The following SOX6 variants were observed in gnomAD, a reference collection of about 807,000 sequenced individuals.
SOX6 encodes SRY-box transcription factor 6, also known as transcription factor SOX-6.
In SOX6, 11 loss-of-function variants were observed where a neutral mutation model predicts 97.8. The observed-to-expected ratio is 0.11, with a 90% confidence interval of 0.07 to 0.19. The LOEUF (loss-of-function observed/expected upper bound fraction) is 0.19. SOX6 is among the 10% of genes least tolerant of loss of function. SOX6 has a pLI of 1.00. For missense variants in SOX6, 810 were observed against 1,039.5 expected (o/e 0.78, Z 3.04); for synonymous variants, 360 against 371.4 (o/e 0.97, Z 0.35).
rs76129029 is a variant in SOX6, at chr11:16,318,189, T to C, written c.445+257A>G. 7.9e-3 allele frequency: 3,958 copies of C among 500,410 alleles called. 141 individuals are homozygous for C. In the East Asian group the frequency reaches 0.083, roughly 11 times the overall value. 31.0% of individuals were successfully genotyped at this position (500,410 alleles called of 1,614,324 possible). A position where few individuals can be genotyped will look rare whatever the true frequency, so the allele number is the denominator to read the frequency against. On this transcript the variant is annotated intron_variant, in intron 3 of 15. Transcript: ENST00000683767. ...GTTACCTTTTTCCAGAGTAGGATTA[T>C]GGTCAGTTTAAAATCCTAATTTGTT...
chr11:16,621,430 A>G (rs1025978926), intron 3 of SOX6, among the ~76,000 whole-genome samples: 1 of 152,218 alleles, frequency 6.6e-6, no homozygotes, highest in East Asian at 1.9e-4. Flanking sequence ...ATTGCATGGA[A>G]TACATTGACT....
chr11:16,045,805 A>C (rs1255747831), intron 12 of SOX6, among the ~76,000 whole-genome samples: 1 of 152,198 alleles, frequency 6.6e-6, no homozygotes, highest in African/African-American at 2.4e-5. Flanking sequence ...CACTTCATCT[A>C]ACATGCCAGC....
At chr11:16,083,654 CT>C (rs1296873937) in intron 9 of SOX6, among the ~76,000 whole-genome samples, 1 of 152,188 alleles carries the variant, frequency 6.6e-6, no homozygotes, top group Non-Finnish European at 1.5e-5. Context: ...TTCTATACAT[CT>C]AAACCAGGCC....
At chr11:16,372,558 C>T (rs1857519352) in intron 1 of SOX6, among the ~76,000 whole-genome samples, 1 of 151,966 alleles carries the variant, frequency 6.6e-6, no homozygotes, top group African/African-American at 2.4e-5. Flanking sequence ...GGCCACTTCT[C>T]CAAAACACCA....
intron 4 of SOX6, among the ~76,000 whole-genome samples, chr11:16,582,246 A>T (rs1423955732): frequency 6.6e-6 from 1 of 152,138 alleles, no homozygotes; most frequent in Non-Finnish European, 1.5e-5. Flanking sequence ...CATACCCCAA[A>T]CCTCAGCATC....
chr11:16,398,648 C>T (rs1240262237), intron 1 of SOX6, among the ~76,000 whole-genome samples: 2 of 151,280 alleles, frequency 1.3e-5, no homozygotes, highest in Non-Finnish European at 3.0e-5. Context: ...CTCTAAGTAC[C>T]ACTTACCCTA....
At chr11:16,364,969 C>T (rs1451578554) in intron 1 of SOX6, among the ~76,000 whole-genome samples, 2 of 152,076 alleles carry the variant, frequency 1.3e-5, no homozygotes, top group Non-Finnish European at 1.5e-5. Context: ...ACTTTTATCT[C>T]GGCCATTATC....
chr11:16,034,260 T>C (rs1368690985), intron 12 of SOX6, among the ~76,000 whole-genome samples: 1 of 152,158 alleles, frequency 6.6e-6, no homozygotes, highest in African/African-American at 2.4e-5. Flanking sequence ...ATATGAGAAC[T>C]AAGGCCATTG....
intron 3 of SOX6, among the ~76,000 whole-genome samples, chr11:16,255,225 C>T (rs143031431): frequency 6.6e-6 from 1 of 152,152 alleles, no homozygotes; most frequent in East Asian, 1.9e-4. Flanking sequence ...TCAGTAAGAA[C>T]ATCATTGAAC....
chr11:16,734,873 C>T (rs532187031), intron 2 of SOX6, among the ~76,000 whole-genome samples: 1 of 152,094 alleles, frequency 6.6e-6, no homozygotes, highest in Admixed American at 6.6e-5. Flanking sequence ...TATTATAGCA[C>T]TTATTTTTGT....
chr11:16,288,853 C>T (rs1184772940), intron 3 of SOX6, among the ~76,000 whole-genome samples: 2 of 152,034 alleles, frequency 1.3e-5, no homozygotes, highest in East Asian at 1.9e-4. Flanking sequence ...TGTCTCAAAC[C>T]TATTTCTTAG....
intron 6 of SOX6, among the ~76,000 whole-genome samples, chr11:16,112,981 T>C (rs2133996340): frequency 6.6e-6 from 1 of 152,296 alleles, no homozygotes; most frequent in South Asian, 2.1e-4. Flanking sequence ...CTATATTATA[T>C]CTTTTTTAAG....
intron 13 of SOX6, among the ~76,000 whole-genome samples, chr11:16,007,722 T>C (rs1251685068): frequency 1.3e-5 from 2 of 152,048 alleles, no homozygotes; most frequent in Admixed American, 1.3e-4. Flanking sequence ...GAGAGAAGAA[T>C]CTGGGCAAGG....
At chr11:16,051,503 C>T (rs1015464180) in intron 10 of SOX6, among the ~76,000 whole-genome samples, 6 of 152,104 alleles carry the variant, frequency 3.9e-5, no homozygotes, top group Admixed American at 2.0e-4. Flanking sequence ...TTGCAATGTA[C>T]GTTTATGTAT....
intron 1 of SOX6, among the ~76,000 whole-genome samples, chr11:16,415,430 C>G (rs945044639): frequency 2.0e-5 from 3 of 151,658 alleles, no homozygotes; most frequent in Non-Finnish European, 4.4e-5. Context: ...TTAAAAGATA[C>G]AAAATTACAG....
At chr11:16,125,122 A>G (rs1849577702) in intron 6 of SOX6, among the ~76,000 whole-genome samples, 1 of 152,092 alleles carries the variant, frequency 6.6e-6, no homozygotes, top group Admixed American at 6.6e-5. Context: ...GTGATTCCAT[A>G]TAAGATAGAA....
intron 6 of SOX6, among the ~76,000 whole-genome samples, chr11:16,176,677 ATTTTCTATT>A (rs1316425116): frequency 6.6e-6 from 1 of 151,880 alleles, no homozygotes; most frequent in East Asian, 1.9e-4. Context: ...CTAGTGGCAA[ATTTTCTATT>A]TTTTCTATTT....
At chr11:16,170,313 A>G (rs1851001495) in intron 6 of SOX6, among the ~76,000 whole-genome samples, 1 of 151,706 alleles carries the variant, frequency 6.6e-6, no homozygotes, top group African/African-American at 2.4e-5. Context: ...AGCTCTAACC[A>G]CTTTTCAAAG....
intron 1 of SOX6, among the ~76,000 whole-genome samples, chr11:16,375,718 T>G (rs1038968404): frequency 6.6e-6 from 1 of 152,164 alleles, no homozygotes; most frequent in African/African-American, 2.4e-5. Context: ...CCTTCTGCTA[T>G]GAAGACACAT....
Sources: gnomAD v4.1 joint callset for allele counts (sites outside exome capture counted in the v4.1 genomes callset) on GRCh38, gnomAD v4.1.1 for gene constraint, MANE v1.5 for transcripts, NCBI Gene and HGNC (gene_info 2026-07-23, HGNC 2026-07-21) for gene names.